The following SHLD1 variants were observed in gnomAD, a reference collection of about 807,000 sequenced individuals.
The protein encoded by SHLD1 is RINN1-REV7-interacting novel NHEJ regulator 3.
A neutral mutation model predicts 5.5 loss-of-function variants in SHLD1; 3 were observed. That is an observed-to-expected ratio of 0.54 (90% CI 0.25 to 1.40). The LOEUF (loss-of-function observed/expected upper bound fraction) is 1.40. Ranked by LOEUF, SHLD1 falls within the 40% of genes most tolerant of loss-of-function variation. The pLI is 0.15. For synonymous variants in SHLD1, 92 were observed against 94.3 expected, an observed-to-expected ratio of 0.98 and a Z score of 0.14; for missense variants, 210 against 244.4, an observed-to-expected ratio of 0.86 and a Z score of 0.94.
chr20:5,832,428 T>C (rs1475497946), intron 2 of SHLD1, among the ~76,000 whole-genome samples: 1 of 152,154 alleles, frequency 6.6e-6, no homozygotes, highest in Non-Finnish European at 1.5e-5. Context: ...AAGCCATAAT[T>C]TGTAACTCAG....
chr20:5,770,035 C>A (rs6076872), intron 1 of SHLD1, among the ~76,000 whole-genome samples: 1 of 149,876 alleles, frequency 6.7e-6, no homozygotes, highest in South Asian at 2.1e-4. Flanking sequence ...AAGGAATTAC[C>A]TATGTGATGA....
chr20:5,776,787 GTAAGCATAAAAAA>G (rs1465848188), intron 2 of SHLD1, among the ~76,000 whole-genome samples: 9 of 151,616 alleles, frequency 5.9e-5, no homozygotes, highest in African/African-American at 2.2e-4. Flanking sequence ...TAATAAATAA[GTAAGCATAAAAAA>G]AAAGCATTCA....
At chr20:5,770,876 G>T (rs1985116942) in intron 1 of SHLD1, among the ~76,000 whole-genome samples, 1 of 152,140 alleles carries the variant, frequency 6.6e-6, no homozygotes, top group Admixed American at 6.5e-5. Context: ...CATTTTCATG[G>T]CAAACAGATT....
At chr20:5,755,619 G>A (rs1984039089) in intron 1 of SHLD1, among the ~76,000 whole-genome samples, 1 of 151,928 alleles carries the variant, frequency 6.6e-6, no homozygotes, top group Admixed American at 6.6e-5. Context: ...GAGTGGAATG[G>A]TGTCATCTAG....
At chr20:5,801,329 G>A (rs1402853361) in intron 2 of SHLD1, among the ~76,000 whole-genome samples, 1 of 152,068 alleles carries the variant, frequency 6.6e-6, no homozygotes, top group Non-Finnish European at 1.5e-5. Context: ...ACCCACTTCC[G>A]CCTCCCAAAG....
At chr20:5,789,008 C>T (rs1375783650) in intron 2 of SHLD1, among the ~76,000 whole-genome samples, 1 of 152,100 alleles carries the variant, frequency 6.6e-6, no homozygotes, top group Non-Finnish European at 1.5e-5. Flanking sequence ...GTGGCACGCA[C>T]CTGTAATCCC....
chr20:5,863,276 G>A lies in SHLD1; in HGVS notation c.431G>A (p.Ser144Asn). The A allele has an allele frequency of 6.2e-7, 1 of 1,614,220 alleles. No homozygotes were observed. The highest frequency in any genetic ancestry group is 8.5e-7 in the Non-Finnish European group (1 of 1,180,054). ...GAGAGCCAAAAGTATGCCCTCCGCA[G>A]TTTTCAAATGGCCCGGGTGATCTTC... The part of the protein sequence containing the change: ...GQESQKYALR[S>N]FQMARVIFNR... The change falls in exon 3 of 3, where the codon AGT becomes AAT. Residue 144 changes from serine to asparagine, a missense_variant. By Grantham distance (46) the Ser-to-Asn change is conservative. Coordinates refer to ENST00000303142, the MANE Select transcript of SHLD1 (RefSeq NM_152504.4).
chr20:5,803,664 A>C (rs977074545), intron 2 of SHLD1, among the ~76,000 whole-genome samples: 1 of 151,962 alleles, frequency 6.6e-6, no homozygotes, highest in African/African-American at 2.4e-5. Flanking sequence ...AGGTCAAGAG[A>C]TCGAGACCAT....
chr20:5,860,836 T>A lies in SHLD1; in HGVS notation c.179-2188T>A, dbSNP rs115342261. 9.1e-3 allele frequency among the ~76,000 whole-genome samples: 1,221 copies of A among 133,876 alleles called. 17 individuals carry two copies. Among genetic ancestry groups the A allele is most frequent in the African/African-American group, 0.032 (1,169 of 36,174 alleles). The allele number at this position is 133,876 out of a possible 152,430, so 87.8% of individuals were successfully genotyped here. A position where few individuals can be genotyped will look rare whatever the true frequency, so the allele number is the denominator to read the frequency against. ...TTGGGAAGAACTTGGGTAAAAGCTCTGGGCATAGCAAGGTCAAGGAAAGTT... is the reference window on the plus strand; with the variant it reads ...TTGGGAAGAACTTGGGTAAAAGCTCAGGGCATAGCAAGGTCAAGGAAAGTT... On this transcript the variant is annotated intron_variant, in intron 2 of 2. Transcript: ENST00000303142.
intron 2 of SHLD1, among the ~76,000 whole-genome samples, chr20:5,795,426 C>T (rs2087197386): frequency 6.6e-6 from 1 of 151,774 alleles, no homozygotes; most frequent in East Asian, 1.9e-4. Flanking sequence ...GCAAAACCCC[C>T]CTCTGTACTA....
At chr20:5,818,664 G>A (rs1477338020) in intron 2 of SHLD1, among the ~76,000 whole-genome samples, 2 of 152,164 alleles carry the variant, frequency 1.3e-5, no homozygotes, top group Non-Finnish European at 2.9e-5. Context: ...CCCAAATGGG[G>A]GCCTGGGTTG....
At chr20:5,850,284 G>A (rs898353561) in intron 2 of SHLD1, among the ~76,000 whole-genome samples, 2 of 151,742 alleles carry the variant, frequency 1.3e-5, no homozygotes, top group African/African-American at 4.8e-5. Flanking sequence ...TAGCAGAAGT[G>A]TTTACCTGGC....
rs184675614 is a variant in SHLD1 at position 5,783,823 on chromosome 20, C to T, written c.178+10780C>T. Among the ~76,000 whole-genome samples the T allele has an allele frequency of 1.2e-4, 18 of 152,014 alleles. 1 individual carries two copies. Among genetic ancestry groups the T allele is most frequent in the Admixed American group, 8.5e-4 (13 of 15,268 alleles). ...CTTATGCATCCAGGCAGGCATTCAT[C>T]CAAAGAAAGGGTGCCAGAACCAGGA... On this transcript the variant is annotated intron_variant, in intron 2 of 2. Transcript: ENST00000303142.
At chr20:5,817,186 A>G (rs1442180144) in intron 2 of SHLD1, among the ~76,000 whole-genome samples, 1 of 151,818 alleles carries the variant, frequency 6.6e-6, no homozygotes, top group Admixed American at 6.6e-5. Flanking sequence ...CTGTTGACTG[A>G]TTTTTCTCCT....
At chr20:5,773,192 T>C (rs1216369449) in intron 2 of SHLD1, 149 bp downstream of exon 2, 1 of 898,154 alleles carries the variant, frequency 1.1e-6, no homozygotes, top group African/African-American at 1.7e-5. Context: ...AGCAAAGCTT[T>C]CAGGAGGAAC....
intron 2 of SHLD1, among the ~76,000 whole-genome samples, chr20:5,829,498 G>C (rs1292270797): frequency 6.6e-6 from 1 of 152,212 alleles, no homozygotes; most frequent in Non-Finnish European, 1.5e-5. Context: ...TGGAGGGACT[G>C]TCTAAATAGG....
chr20:5,852,675 C>G (rs573929545), intron 2 of SHLD1, among the ~76,000 whole-genome samples: 4 of 152,320 alleles, frequency 2.6e-5, no homozygotes, highest in African/African-American at 4.8e-5. Context: ...GTCTCTAACT[C>G]CTGACCTCAA....
chr20:5,757,853 T>C (rs1984208395), intron 1 of SHLD1, among the ~76,000 whole-genome samples: 1 of 152,200 alleles, frequency 6.6e-6, no homozygotes, highest in Non-Finnish European at 1.5e-5. Flanking sequence ...TCCACCCGCC[T>C]CAGCCTCCCA....
chr20:5,802,877 C>T (rs1419833034), intron 2 of SHLD1, among the ~76,000 whole-genome samples: 9 of 152,150 alleles, frequency 5.9e-5, no homozygotes, highest in Admixed American at 1.3e-4. Context: ...CCACTGTGCC[C>T]GGCCTCTTGA....
Sources: allele counts gnomAD v4.1 joint callset (sites outside exome capture counted in the v4.1 genomes callset), GRCh38; gene constraint gnomAD v4.1.1; transcripts MANE v1.5; gene names NCBI Gene and HGNC (gene_info 2026-07-23, HGNC 2026-07-21).